The following SOX5 variants were observed in gnomAD, a reference collection of about 807,000 sequenced individuals.
SOX5 encodes transcription factor SOX-5.
Under a neutral mutation model 92.0 loss-of-function variants are expected in SOX5, and 9 were observed. The ratio of observed to expected loss-of-function variants is 0.10; its 90% CI spans 0.06 to 0.17. SOX5 has a LOEUF of 0.17. SOX5 is among the 10% of genes least tolerant of loss of function. The pLI is 1.00. For synonymous variants in SOX5, 344 were observed against 336.3 expected, an observed-to-expected ratio of 1.02 and a Z score of -0.25; for missense variants, 642 against 944.5, an observed-to-expected ratio of 0.68 and a Z score of 4.20.
intron 3 of SOX5, among the ~76,000 whole-genome samples, chr12:23,778,480 C>G (rs2095176220): frequency 6.6e-6 from 1 of 151,996 alleles, no homozygotes; most frequent in Non-Finnish European, 1.5e-5. Flanking sequence ...GTTTCAAAAG[C>G]CAAAAGAAGT....
intron 1 of SOX5, among the ~76,000 whole-genome samples, chr12:23,948,230 A>C (rs1011294905): frequency 3.3e-5 from 5 of 151,796 alleles, no homozygotes; most frequent in Non-Finnish European, 5.9e-5. Context: ...TTAAAAAAAA[A>C]AACACAGAAG....
At chr12:24,154,312 T>A (rs1593688222) in intron 4 of SOX5, among the ~76,000 whole-genome samples, 1 of 152,166 alleles carries the variant, frequency 6.6e-6, no homozygotes, top group Non-Finnish European at 1.5e-5. Context: ...TATAAGGCAT[T>A]CTCAGCCCTG....
chr12:24,093,670 G>A (rs1319316962), intron 4 of SOX5, among the ~76,000 whole-genome samples: 1 of 146,418 alleles, frequency 6.8e-6, no homozygotes, highest in African/African-American at 2.5e-5. Flanking sequence ...TTTCTTGTCT[G>A]TTGAAAATAT....
chr12:24,250,882 A>G (rs187699917), intron 3 of SOX5, among the ~76,000 whole-genome samples: 69 of 152,296 alleles, frequency 4.5e-4, no homozygotes, highest in African/African-American at 1.5e-3. Context: ...CAGGCCCACA[A>G]TTCTGTGTAT....
At chr12:23,535,348 C>G (rs757675935) in intron 14 of SOX5, among the ~76,000 whole-genome samples, 2 of 152,292 alleles carry the variant, frequency 1.3e-5, no homozygotes, top group Admixed American at 1.3e-4. Flanking sequence ...GTTCTGGCCT[C>G]GTAGTGGTAG....
chr12:23,632,532 C>T (rs1399812654), intron 8 of SOX5, among the ~76,000 whole-genome samples: 1 of 152,070 alleles, frequency 6.6e-6, no homozygotes, highest in Non-Finnish European at 1.5e-5. Flanking sequence ...CTTGGCCAAG[C>T]ATATAAAGCC....
chr12:23,777,549 C>T (rs2095143409), intron 3 of SOX5, among the ~76,000 whole-genome samples: 1 of 152,126 alleles, frequency 6.6e-6, no homozygotes, highest in South Asian at 2.1e-4. Context: ...CCTCTATTCT[C>T]AAATTTCAGT....
intron 3 of SOX5, among the ~76,000 whole-genome samples, chr12:23,805,030 T>C (rs543137658): frequency 1.6e-4 from 24 of 147,418 alleles, no homozygotes; most frequent in Non-Finnish European, 3.0e-4. Context: ...GGCACCTTAC[T>C]TGTTTTCTAT....
intron 1 of SOX5, among the ~76,000 whole-genome samples, chr12:24,379,398 G>A (rs1957598186): frequency 6.6e-6 from 1 of 152,158 alleles, no homozygotes; most frequent in South Asian, 2.1e-4. Flanking sequence ...TTCTGAAGAA[G>A]ACAGTATGAC....
At chr12:24,557,393 T>A (rs1953903809) in intron 1 of SOX5, among the ~76,000 whole-genome samples, 1 of 124,412 alleles carries the variant, frequency 8.0e-6, no homozygotes, top group South Asian at 2.6e-4. Flanking sequence ...AGAGCAAGAC[T>A]TCATTTCAAA....
At chr12:23,800,260 A>T (rs542121972) in intron 3 of SOX5, among the ~76,000 whole-genome samples, 151 of 152,338 alleles carry the variant, frequency 9.9e-4, no homozygotes, top group Non-Finnish European at 1.8e-3. Context: ...CACACACAAA[A>T]ATAAATTAAC....
At position 24,029,645 on chromosome 12, in the gene SOX5, G is replaced by A. The variant is rs557035653; in HGVS notation, c.-1-133621C>T. ...GACAAGTGAATACTTGTTTAACTGC[G>A]TTGAGCTCCTAATTGCATTTATTTT... is the stretch of plus-strand genomic sequence containing the variant. On this transcript the variant is annotated intron_variant, in intron 4 of 4. Transcript: ENST00000446891. Among the ~76,000 whole-genome samples, 52 of 151,938 alleles carry A rather than the reference G, an allele frequency of 3.4e-4. No individual in the cohort carries two copies. The South Asian group carries it at 5.4e-3, about 16-fold the overall frequency.
rs117690699 is a variant in SOX5, at chr12:24,495,017, A to T, written c.-251+67312T>A. ...GATAGCATGGCAATTTGGAGTACTCATTGCTAATCTATCAACTATAACTAC... is the reference window on the plus strand; with the variant it reads ...GATAGCATGGCAATTTGGAGTACTCTTTGCTAATCTATCAACTATAACTAC... On this transcript the variant is annotated intron_variant, in intron 1 of 4. Coordinates refer to the SOX5 transcript ENST00000446891. Among the ~76,000 whole-genome samples the T allele has an allele frequency of 3.0e-3, 456 of 152,292 alleles. 13 individuals are homozygous for T. The East Asian group carries it at 0.072, about 24-fold the overall frequency.
chr12:23,611,710 T>A (rs1212007730), intron 8 of SOX5, among the ~76,000 whole-genome samples: 5 of 152,106 alleles, frequency 3.3e-5, no homozygotes, highest in African/African-American at 1.2e-4. Flanking sequence ...TGACAGTGTA[T>A]GGTTTGATCC....
At chr12:24,524,388 C>T (rs113216439) in intron 1 of SOX5, among the ~76,000 whole-genome samples, 54 of 95,634 alleles carry the variant, frequency 5.6e-4, no homozygotes, top group South Asian at 2.8e-3. Context: ...TCTATCTATC[C>T]ATCCATCCAT....
intron 2 of SOX5, among the ~76,000 whole-genome samples, chr12:24,344,084 G>T (rs113068795): frequency 0.013 from 2,017 of 151,794 alleles, 17 homozygotes; most frequent in Non-Finnish European, 0.02. Context: ...GGAGATTGAG[G>T]CCATCCTGAC....
At chr12:24,174,680 G>C (rs1593926095) in intron 4 of SOX5, among the ~76,000 whole-genome samples, 2 of 152,158 alleles carry the variant, frequency 1.3e-5, no homozygotes, top group African/African-American at 4.8e-5. Context: ...AATTAGCCAG[G>C]TGTGGTGGCT....
At chr12:24,146,608 G>A (rs1189080008) in intron 4 of SOX5, among the ~76,000 whole-genome samples, 2 of 150,202 alleles carry the variant, frequency 1.3e-5, no homozygotes, top group Non-Finnish European at 3.0e-5. Context: ...GTTAGCAGAA[G>A]AAACAAAGAA....
At chr12:24,245,016 T>C (rs1565738578) in intron 3 of SOX5, among the ~76,000 whole-genome samples, 2 of 152,132 alleles carry the variant, frequency 1.3e-5, no homozygotes, top group South Asian at 4.1e-4. Flanking sequence ...CACCTAGTTA[T>C]ATCTGACTCA....
Sources: allele counts gnomAD v4.1 joint callset (sites outside exome capture counted in the v4.1 genomes callset), GRCh38; gene constraint gnomAD v4.1.1; transcripts MANE v1.5; gene names NCBI Gene and HGNC (gene_info 2026-07-23, HGNC 2026-07-21).